Variants in FARP1 observed in about 807,000 individuals in gnomAD.
The protein encoded by FARP1 is FERM, ARHGEF and pleckstrin domain-containing protein 1.
In FARP1, 52 loss-of-function variants were observed where a neutral mutation model predicts 128.8. The ratio of observed to expected loss-of-function variants is 0.40; its 90% CI spans 0.32 to 0.51. FARP1 has a LOEUF of 0.51. Among genes scored for constraint, FARP1 ranks in the 20% least tolerant of loss-of-function variants. The pLI is 0.45. For missense variants in FARP1, 1,333 were observed against 1,367.9 expected, an observed-to-expected ratio of 0.97 and a Z score of 0.40; for synonymous variants, 580 against 551.8, an observed-to-expected ratio of 1.05 and a Z score of -0.72.
At chr13:98,159,650 T>C (rs1876735789) in intron 1 of FARP1, 1 of 152,122 alleles carries the variant, frequency 6.6e-6, no homozygotes, top group African/African-American at 2.4e-5. Context: ...TTTGTATTTT[T>C]AGTAGAGATG....
At chr13:98,320,304 C>G (rs1418751372) in intron 2 of FARP1, among the ~76,000 whole-genome samples, 1 of 152,184 alleles carries the variant, frequency 6.6e-6, no homozygotes, top group African/African-American at 2.4e-5. Context: ...GTCCCTGCCC[C>G]CTACTCTCCG....
chr13:98,237,551 G>A (rs137980578), intron 2 of FARP1, among the ~76,000 whole-genome samples: 63 of 152,232 alleles, frequency 4.1e-4, no homozygotes, highest in African/African-American at 1.4e-3. Flanking sequence ...CGTCATGAGC[G>A]GTTCATCTCC....
At chr13:98,291,777 T>C (rs1885458148) in intron 2 of FARP1, among the ~76,000 whole-genome samples, 1 of 152,230 alleles carries the variant, frequency 6.6e-6, no homozygotes, top group African/African-American at 2.4e-5. Flanking sequence ...TCCAGGTCTC[T>C]AAGTCTTTGG....
At chr13:98,316,474 C>T (rs1886726816) in intron 2 of FARP1, among the ~76,000 whole-genome samples, 2 of 152,212 alleles carry the variant, frequency 1.3e-5, no homozygotes, top group Non-Finnish European at 2.9e-5. Flanking sequence ...CGTGGCAGAT[C>T]CTCTGCAGCT....
chr13:98,177,089 C>T (rs764155455), intron 1 of FARP1: 13 of 1,598,878 alleles, frequency 8.1e-6, no homozygotes, highest in Middle Eastern at 1.8e-4. Flanking sequence ...CCCTCGTCCC[C>T]GCTGCTGCTG....
At chr13:98,426,972 C>G (rs571075374) in intron 17 of FARP1, among the ~76,000 whole-genome samples, 1 of 152,300 alleles carries the variant, frequency 6.6e-6, no homozygotes, top group South Asian at 2.1e-4. Context: ...CCGTCCACCC[C>G]TAAACACACA....
rs1257903072 is a variant in FARP1, at chr13:98,448,984, C to G, written c.*667C>G. 3 of 152,212 alleles carry G rather than the reference C, an allele frequency of 2.0e-5. No individual in the cohort carries two copies. The highest frequency in any genetic ancestry group is 4.4e-5 in the Non-Finnish European group (3 of 68,068). The allele number at this position is 152,212 out of a possible 1,614,324, so 9.4% of individuals were successfully genotyped here. On this transcript the variant is annotated 3_prime_UTR_variant, in exon 27 of 27. Coordinates refer to ENST00000319562, the MANE Select transcript of FARP1 (RefSeq NM_005766.4). The stretch of plus-strand genomic sequence containing the variant: ...GACCAAATCGTTTTAAGTGGTAACT[C>G]TTTCCAACCGTAGCAGGGTTGTTTT...
In FARP1 at chr13:98,176,516, CGTCCTCGCAGATACA is replaced by C; in HGVS notation, c.-24+33027_-24+33041del. 1 of 1,614,190 alleles carries C rather than the reference CGTCCTCGCAGATACA, an allele frequency of 6.2e-7. No homozygotes were observed. Among genetic ancestry groups the C allele is most frequent in the Non-Finnish European group, 8.5e-7 (1 of 1,180,038 alleles). On this transcript the variant is annotated intron_variant, in intron 1 of 26. Transcript: ENST00000319562. The surrounding 1 kb of genome is among the most constrained non-coding windows in gnomAD (Gnocchi z 6.2). ...TCCTCGCTTCCCACTTCATGGTTTT[CGTCCTCGCAGATACA>C]GTAGCGACCCTCTTCAAGCTCCCGT...
intron 2 of FARP1, chr13:98,338,626 G>A (rs1175591562): frequency 6.6e-6 from 1 of 152,158 alleles, no homozygotes; most frequent in Non-Finnish European, 1.5e-5. Context: ...CTGTGAACGT[G>A]GATTTACAAA....
intron 1 of FARP1, among the ~76,000 whole-genome samples, chr13:98,166,508 A>G (rs1445455655): frequency 2.0e-5 from 3 of 152,172 alleles, no homozygotes; most frequent in African/African-American, 7.2e-5. Context: ...TTATTATCAC[A>G]GTTTTGCTGA....
intron 2 of FARP1, among the ~76,000 whole-genome samples, chr13:98,261,310 C>T (rs1311431288): frequency 2.6e-5 from 4 of 150,992 alleles, no homozygotes; most frequent in Admixed American, 2.0e-4. Context: ...GTGACTACAG[C>T]AACTGGGGGA....
chr13:98,179,759 AG>A (rs1172331699), intron 1 of FARP1, among the ~76,000 whole-genome samples: 1 of 152,120 alleles, frequency 6.6e-6, no homozygotes, highest in Non-Finnish European at 1.5e-5. Context: ...CGGAAGGCTG[AG>A]GCAGGAGAAT....
chr13:98,303,786 A>G (rs1016997194), intron 2 of FARP1, among the ~76,000 whole-genome samples: 1 of 152,196 alleles, frequency 6.6e-6, no homozygotes, highest in African/African-American at 2.4e-5. Context: ...ATGGAATCTC[A>G]GGGTTGGAAA....
At chr13:98,282,771 C>T (rs1034180012) in intron 2 of FARP1, among the ~76,000 whole-genome samples, 2 of 152,042 alleles carry the variant, frequency 1.3e-5, no homozygotes, top group African/African-American at 2.4e-5. Flanking sequence ...GTGTGCGGCA[C>T]GTGCCTGTAG....
At chr13:98,218,070 T>G (rs1297233571) in intron 2 of FARP1, among the ~76,000 whole-genome samples, 2 of 152,104 alleles carry the variant, frequency 1.3e-5, no homozygotes, top group Non-Finnish European at 2.9e-5. Flanking sequence ...TTCGCGGACT[T>G]CCTCTGCCTC....
intron 2 of FARP1, among the ~76,000 whole-genome samples, chr13:98,252,774 T>A (rs1883406837): frequency 6.6e-6 from 1 of 152,224 alleles, no homozygotes; most frequent in South Asian, 2.1e-4. Context: ...AGTGTTGTTC[T>A]TTAAGGAAGA....
chr13:98,222,935 C>T (rs893437323), intron 2 of FARP1, among the ~76,000 whole-genome samples: 3 of 151,854 alleles, frequency 2.0e-5, no homozygotes, highest in Non-Finnish European at 4.4e-5. Context: ...CGTGCCTGGC[C>T]GGAAGGTGCT....
intron 2 of FARP1, among the ~76,000 whole-genome samples, chr13:98,322,682 C>A (rs566927428): frequency 1.6e-4 from 24 of 152,350 alleles, no homozygotes; most frequent in African/African-American, 5.5e-4. Flanking sequence ...TGAGTAGAGG[C>A]TGTTCCCCGG....
At chr13:98,368,613 T>C (rs1202282637) in intron 5 of FARP1, among the ~76,000 whole-genome samples, 1 of 152,230 alleles carries the variant, frequency 6.6e-6, no homozygotes, top group Non-Finnish European at 1.5e-5. Context: ...GTGGAAGAAG[T>C]GCAGGCATTG....
Sources: gnomAD v4.1 joint callset for allele counts (sites outside exome capture counted in the v4.1 genomes callset) on GRCh38, gnomAD v4.1.1 for gene constraint, Gnocchi (gnomAD v3.1) non-coding constraint, MANE v1.5 for transcripts, NCBI Gene and HGNC (gene_info 2026-07-23, HGNC 2026-07-21) for gene names.